The following GPR39 variants were observed in gnomAD, a reference collection of about 807,000 sequenced individuals.
The protein encoded by GPR39 is G protein-coupled receptor 39, also known as zinc sensing receptor.
Under a neutral mutation model 18.4 loss-of-function variants are expected in GPR39, and 23 were observed. The ratio of observed to expected loss-of-function variants is 1.25; its 90% CI spans 0.90 to 1.77. GPR39 has a LOEUF of 1.77. Ranked by LOEUF, GPR39 falls within the 40% of genes most tolerant of loss-of-function variation. The pLI, the probability that GPR39 is intolerant of heterozygous loss-of-function variation, is 0.00. For synonymous variants in GPR39, 280 were observed against 257.9 expected (o/e 1.09, Z -0.82); for missense variants, 647 against 602.4 (o/e 1.07, Z -0.78).
At chr2:132,585,595 C>T (rs1199325672) in intron 1 of GPR39, among the ~76,000 whole-genome samples, 1 of 152,230 alleles carries the variant, frequency 6.6e-6, no homozygotes, top group Admixed American at 6.5e-5. Flanking sequence ...GGCGCGGCTC[C>T]ACGGGCTCCC....
intron 1 of GPR39, among the ~76,000 whole-genome samples, chr2:132,539,711 T>C (rs1280490407): frequency 6.6e-6 from 1 of 151,986 alleles, no homozygotes; most frequent in Non-Finnish European, 1.5e-5. Flanking sequence ...TTAGCTGGAG[T>C]GGCCAGAGCA....
rs143152909 is a variant in GPR39 at position 132,645,380 on chromosome 2, A to G, written c.1136A>G (p.His379Arg). 2.1e-4 allele frequency: 346 copies of G among 1,613,236 alleles called. No individual in the cohort carries two copies. In the African/African-American group the frequency reaches 4.3e-3, roughly 20 times the overall value. Residue 379 changes from histidine to arginine, a missense_variant, in exon 2 of 2, where the codon CAC becomes CGC. This residue lies in a region of GPR39 where 581 missense variants were observed against 506.8 expected (regional missense o/e 1.15). Transcript: ENST00000329321. ...GAGAAGCGCCTGCGCGTACATGCGC[A>G]CTCCACCACCGACAGCGCCCGCTTT... ...NHEKRLRVHA[H>R]STTDSARFVQ...
chr2:132,533,030 C>T (rs1231578232), intron 1 of GPR39, among the ~76,000 whole-genome samples: 1 of 152,010 alleles, frequency 6.6e-6, no homozygotes, highest in African/African-American at 2.4e-5. Flanking sequence ...AAAGGGCATT[C>T]AATTAGGAAA....
chr2:132,457,035 G>C (rs1242186135), intron 1 of GPR39, among the ~76,000 whole-genome samples: 1 of 152,166 alleles, frequency 6.6e-6, no homozygotes, highest in Non-Finnish European at 1.5e-5. Context: ...TGCCTTGCTA[G>C]GTTGGAGAAG....
At chr2:132,523,117 C>T (rs923512134) in intron 1 of GPR39, among the ~76,000 whole-genome samples, 3 of 152,362 alleles carry the variant, frequency 2.0e-5, no homozygotes, top group East Asian at 3.9e-4. Context: ...GTGCTGGAGG[C>T]AGCCTGCCAA....
chr2:132,417,527 C>T lies in GPR39; in HGVS notation c.485C>T (p.Thr162Ile). Residue 162 changes from threonine (T) to isoleucine (I), a missense_variant, in exon 1 of 2, where the codon ACC becomes ATC. By Grantham distance (89) the Thr-to-Ile change is moderately conservative. Transcript: ENST00000329321. Reference protein sequence around the residue: ...VKLLIGFVWVTSALVALPLLF... With the variant: ...VKLLIGFVWVISALVALPLLF... ...CTGCTGATTGGCTTCGTCTGGGTCA[C>T]CTCCGCCCTGGTGGCACTGCCCTTG... The T allele has an allele frequency of 6.2e-7, 1 of 1,614,154 alleles. No individual in the cohort carries two copies. Among genetic ancestry groups the T allele is most frequent in the Non-Finnish European group, 8.5e-7 (1 of 1,180,026 alleles).
At chr2:132,532,317 A>G (rs919140610) in intron 1 of GPR39, among the ~76,000 whole-genome samples, 6 of 152,232 alleles carry the variant, frequency 3.9e-5, no homozygotes, top group African/African-American at 1.4e-4. Context: ...CTCTGGATAG[A>G]CCAACAACAG....
At chr2:132,499,480 T>C (rs1681712751) in intron 1 of GPR39, among the ~76,000 whole-genome samples, 1 of 152,138 alleles carries the variant, frequency 6.6e-6, no homozygotes, top group African/African-American at 2.4e-5. Flanking sequence ...TTGGGGGGTG[T>C]GATACCTCTA....
chr2:132,532,546 AG>A (rs1277103552), intron 1 of GPR39, among the ~76,000 whole-genome samples: 2 of 152,230 alleles, frequency 1.3e-5, no homozygotes, highest in Non-Finnish European at 2.9e-5. Context: ...CAACCAAAAA[AG>A]AGAATTTTAG....
rs184351404 is a variant in GPR39 at position 132,500,568 on chromosome 2, G to A, written c.856+82670G>A. Among the ~76,000 whole-genome samples the A allele has an allele frequency of 5.3e-5, 8 of 152,134 alleles. No homozygotes were observed. The East Asian group carries it at 1.5e-3, about 29-fold the overall frequency. On this transcript the variant is annotated intron_variant, in intron 1 of 1. Transcript: ENST00000329321. ...TTTTTGTTATGTCCTTTCCTGATTT[G>A]GTATTAGGGTGATACTGGCTTTGTA...
chr2:132,550,669 G>A (rs1209934621), intron 1 of GPR39, among the ~76,000 whole-genome samples: 1 of 152,128 alleles, frequency 6.6e-6, no homozygotes, highest in Non-Finnish European at 1.5e-5. Flanking sequence ...AGATCTGAAG[G>A]GGACCCCAGG....
At chr2:132,630,502 T>A (rs141174557) in intron 1 of GPR39, among the ~76,000 whole-genome samples, 2 of 152,190 alleles carry the variant, frequency 1.3e-5, no homozygotes, top group East Asian at 3.9e-4. Flanking sequence ...GGTTAGATCC[T>A]GTAGGACTTG....
rs1487791720 is a variant in GPR39 at position 132,417,341 on chromosome 2, CCACGTCCAGCTA to C, written c.303_314del (p.Ser102_Thr105del). On this transcript the variant is annotated inframe_deletion, in exon 1 of 2. Transcript: ENST00000329321. ...TACAGCATCATCTGGAATCCCCTGACCACGTCCAGCTACACCCTGTCCTGCAAGCTGCACACT... is the reference window on the plus strand; with the variant it reads ...TACAGCATCATCTGGAATCCCCTGACCACCCTGTCCTGCAAGCTGCACACT... 1 of 1,614,058 alleles carries C rather than the reference CCACGTCCAGCTA, an allele frequency of 6.2e-7. No individual in the cohort carries two copies. The highest frequency in any genetic ancestry group is 8.5e-7 in the Non-Finnish European group (1 of 1,180,016).
At chr2:132,464,563 A>G (rs1680891729) in intron 1 of GPR39, among the ~76,000 whole-genome samples, 1 of 152,160 alleles carries the variant, frequency 6.6e-6, no homozygotes. Flanking sequence ...TAAGTCTCTC[A>G]CTAGCTTCTC....
chr2:132,612,521 A>G (rs1293795589), intron 1 of GPR39, among the ~76,000 whole-genome samples: 3 of 152,160 alleles, frequency 2.0e-5, no homozygotes, highest in African/African-American at 7.2e-5. Flanking sequence ...ACTTTTGTGT[A>G]TGGTGTCAGG....
At chr2:132,438,512 C>G (rs1680372976) in intron 1 of GPR39, among the ~76,000 whole-genome samples, 1 of 146,782 alleles carries the variant, frequency 6.8e-6, no homozygotes, top group South Asian at 2.2e-4. Context: ...CAGGGGTTAG[C>G]AAATTACGTA....
chr2:132,601,644 G>T (rs973266873), intron 1 of GPR39, among the ~76,000 whole-genome samples: 5 of 152,172 alleles, frequency 3.3e-5, no homozygotes, highest in African/African-American at 1.2e-4. Context: ...GTCCCTCTTT[G>T]CAGACAACAT....
intron 1 of GPR39, among the ~76,000 whole-genome samples, chr2:132,543,102 AC>A (rs1357049625): frequency 3.3e-5 from 5 of 152,204 alleles, no homozygotes; most frequent in Non-Finnish European, 7.3e-5. Context: ...TTGTCTCACG[AC>A]CAGGAAGAAT....
At chr2:132,639,327 G>T (rs1681819584) in intron 1 of GPR39, among the ~76,000 whole-genome samples, 1 of 152,098 alleles carries the variant, frequency 6.6e-6, no homozygotes, top group South Asian at 2.1e-4. Flanking sequence ...CTATGGTCAG[G>T]ATTAGAGAGA....
Sources: allele counts gnomAD v4.1 joint callset (sites outside exome capture counted in the v4.1 genomes callset), GRCh38; gene constraint gnomAD v4.1.1; regional missense constraint gnomAD v4.1.1; transcripts MANE v1.5; gene names NCBI Gene and HGNC (gene_info 2026-07-23, HGNC 2026-07-21).